Variants in FAM227A observed in about 807,000 individuals in gnomAD.
FAM227A encodes family with sequence similarity 227 member A, also known as protein FAM227A.
Under a neutral mutation model 74.7 loss-of-function variants are expected in FAM227A, and 80 were observed. The ratio of observed to expected loss-of-function variants is 1.07; its 90% CI spans 0.89 to 1.29. FAM227A has a LOEUF of 1.29. Among genes scored for constraint, FAM227A ranks in the 50% most tolerant of loss-of-function variants. The pLI is 0.00. For synonymous variants in FAM227A, 237 were observed against 241.8 expected (o/e 0.98, Z 0.19); for missense variants, 654 against 683.4 (o/e 0.96, Z 0.48).
chr22:38,628,206 G>A, intron 8 of FAM227A, 32 bp downstream of exon 8: 1 of 1,289,184 alleles, frequency 7.8e-7, no homozygotes, highest in Non-Finnish European at 1.1e-6. Flanking sequence ...AATCTAATGT[G>A]ACTTTTTTTC....
At chr22:38,640,633 A>G (rs1290962020) in intron 3 of FAM227A, among the ~76,000 whole-genome samples, 1 of 152,176 alleles carries the variant, frequency 6.6e-6, no homozygotes, top group Non-Finnish European at 1.5e-5. Flanking sequence ...TTTTGCCCTC[A>G]AGGGACTTAC....
chr22:38,578,998 C>T lies in FAM227A; in HGVS notation c.*7127G>A, dbSNP rs1240012196. 1.3e-5 allele frequency: 2 copies of T among 152,202 alleles called. No homozygotes were observed. Among genetic ancestry groups the T allele is most frequent in the African/African-American group, 4.8e-5 (2 of 41,428 alleles). The allele number at this position is 152,202 out of a possible 1,614,324, so 9.4% of individuals were successfully genotyped here. A position where few individuals can be genotyped will look rare whatever the true frequency, so the allele number is the denominator to read the frequency against. Reference sequence around the variant, plus strand: ...CACCATGAGGCACAACAATTATCACCCCTATTTACACGATGGAACTGGGGC... The same window carrying T: ...CACCATGAGGCACAACAATTATCACTCCTATTTACACGATGGAACTGGGGC... On this transcript the variant is annotated 3_prime_UTR_variant, in exon 17 of 17. Coordinates refer to ENST00000535113, the MANE Select transcript of FAM227A (RefSeq NM_001013647.2).
In FAM227A at chr22:38,631,107, G is replaced by A. The variant is rs193270807; in HGVS notation, c.520-2172C>T. Among the ~76,000 whole-genome samples, 306 of 152,316 alleles carry A rather than the reference G, an allele frequency of 2.0e-3. 2 individuals carry two copies. The highest frequency in any genetic ancestry group is 7.0e-3 in the African/African-American group (292 of 41,564). Reference sequence around the variant, plus strand: ...CGCTTGAACCTGGGAGGCGGAGGTTGCAGTGAGCCGAGATTGCACCACTCT... The same window carrying A: ...CGCTTGAACCTGGGAGGCGGAGGTTACAGTGAGCCGAGATTGCACCACTCT... On this transcript the variant is annotated intron_variant, in intron 6 of 16. Coordinates refer to ENST00000535113, the MANE Select transcript of FAM227A (RefSeq NM_001013647.2).
intron 6 of FAM227A, among the ~76,000 whole-genome samples, chr22:38,630,613 A>T (rs1346938027): frequency 6.6e-6 from 1 of 152,200 alleles, no homozygotes; most frequent in East Asian, 1.9e-4. Flanking sequence ...ACAGGAGTAT[A>T]CTAGTTACTG....
At chr22:38,596,684 AGTT>A (rs1427579221) in intron 15 of FAM227A, among the ~76,000 whole-genome samples, 1 of 152,252 alleles carries the variant, frequency 6.6e-6, no homozygotes, top group Non-Finnish European at 1.5e-5. Flanking sequence ...CCTGATGGAC[AGTT>A]CAGTGTACTA....
rs1236282820 is a variant in FAM227A, at chr22:38,613,578, CG to C, written c.1039-6103del. On this transcript the variant is annotated intron_variant, in intron 11 of 16. Coordinates refer to ENST00000535113, the MANE Select transcript of FAM227A (RefSeq NM_001013647.2). Reference sequence around the variant, plus strand: ...ATGTGTTTGCACCTGACATATATAACGGGGAAGGTGTGTACAACTGGGTTTC... The same window carrying C: ...ATGTGTTTGCACCTGACATATATAACGGGAAGGTGTGTACAACTGGGTTTC... Among the ~76,000 whole-genome samples the C allele has an allele frequency of 6.0e-5, 9 of 149,526 alleles. 1 individual carries two copies. The highest frequency in any genetic ancestry group is 6.9e-3 in the Middle Eastern group (2 of 288).
At chr22:38,593,620 C>T (rs2090985165) in intron 15 of FAM227A, among the ~76,000 whole-genome samples, 2 of 152,164 alleles carry the variant, frequency 1.3e-5, no homozygotes, top group Non-Finnish European at 2.9e-5. Flanking sequence ...CCTTCTCCAT[C>T]CCGACCCTCT....
rs139990083 is a variant in FAM227A, at chr22:38,598,824, A to T, written c.1379+940T>A. Among the ~76,000 whole-genome samples, 82 of 152,314 alleles carry T rather than the reference A, an allele frequency of 5.4e-4. 1 individual carries two copies. The highest frequency in any genetic ancestry group is 1.9e-3 in the African/African-American group (80 of 41,580). On this transcript the variant is annotated intron_variant, in intron 14 of 16. Transcript: ENST00000535113. ...TATCTCAAATCACTCGGTTTGCAGT[A>T]GAGTTGGTTCCTGAGTCCAGGTGTG...
In FAM227A at chr22:38,581,153, T is replaced by C. The variant is rs1405514929; in HGVS notation, c.*4972A>G. On this transcript the variant is annotated 3_prime_UTR_variant, in exon 17 of 17. Coordinates refer to ENST00000535113, the MANE Select transcript of FAM227A (RefSeq NM_001013647.2). Reference sequence around the variant, plus strand: ...GTTTGACGTGCTTCAAATATGGCAATTATTATTAATGCCCAAATGGTCCTC... The same window carrying C: ...GTTTGACGTGCTTCAAATATGGCAACTATTATTAATGCCCAAATGGTCCTC... 5 of 152,224 alleles carry C rather than the reference T, an allele frequency of 3.3e-5. No homozygotes were observed. The highest frequency in any genetic ancestry group is 3.3e-4 in the Admixed American group (5 of 15,286). 9.4% of individuals were successfully genotyped at this position (152,224 alleles called of 1,614,324 possible).
At chr22:38,642,224 T>C (rs999320834) in intron 3 of FAM227A, among the ~76,000 whole-genome samples, 1 of 152,070 alleles carries the variant, frequency 6.6e-6, no homozygotes, top group Non-Finnish European at 1.5e-5. Context: ...GACAGGTAGG[T>C]AGATACAGAG....
At chr22:38,636,684 A>T in intron 5 of FAM227A, 87 bp from the exon 6 acceptor site, 2 of 1,210,512 alleles carry the variant, frequency 1.7e-6, no homozygotes, top group Non-Finnish European at 2.3e-6. Flanking sequence ...TATTATGAAG[A>T]CAATATAACA....
chr22:38,654,625 CCT>C (rs964065827), intron 1 of FAM227A, among the ~76,000 whole-genome samples: 1 of 149,080 alleles, frequency 6.7e-6, no homozygotes, highest in African/African-American at 2.5e-5. Context: ...AGAATGAGAC[CCT>C]GTCTCAAAAA....
At chr22:38,631,863 G>C (rs2091921532) in intron 6 of FAM227A, among the ~76,000 whole-genome samples, 1 of 152,206 alleles carries the variant, frequency 6.6e-6, no homozygotes, top group Non-Finnish European at 1.5e-5. Context: ...AGACGCACTG[G>C]AGGGGATTAG....
chr22:38,616,498 A>G (rs1303753106), intron 11 of FAM227A, among the ~76,000 whole-genome samples: 1 of 152,062 alleles, frequency 6.6e-6, no homozygotes, highest in Non-Finnish European at 1.5e-5. Context: ...CCCCGTCTCT[A>G]CTAAAAATAC....
Position 38,626,156 on chromosome 22 carries a change from C to T in FAM227A, c.850+24G>A, listed in dbSNP as rs140324852. On this transcript the variant is annotated intron_variant, in intron 9 of 16. Transcript: ENST00000535113. Reference sequence around the variant, plus strand: ...AACATTTTTCTAGAATCGCTTTCCCCGGTGGAAAAAAGTCACCTCTCACCT... The same window carrying T: ...AACATTTTTCTAGAATCGCTTTCCCTGGTGGAAAAAAGTCACCTCTCACCT... 4.1e-5 allele frequency: 64 copies of T among 1,548,804 alleles called. 1 individual carries two copies. The South Asian group carries it at 5.6e-4, about 14-fold the overall frequency.
chr22:38,624,415 G>T (rs1028493729), intron 9 of FAM227A, among the ~76,000 whole-genome samples: 1 of 152,070 alleles, frequency 6.6e-6, no homozygotes, highest in Non-Finnish European at 1.5e-5. Flanking sequence ...TTAAATGGGT[G>T]TGCAGAAGAG....
At chr22:38,643,027 G>A (rs2092148850) in intron 3 of FAM227A, among the ~76,000 whole-genome samples, 3 of 149,912 alleles carry the variant, frequency 2.0e-5, no homozygotes, top group Admixed American at 2.0e-4. Context: ...TTAAAAATGG[G>A]CTAAAGGTTG....
At chr22:38,588,821 G>C (rs2090867952) in intron 16 of FAM227A, among the ~76,000 whole-genome samples, 1 of 149,286 alleles carries the variant, frequency 6.7e-6, no homozygotes, top group Admixed American at 6.7e-5. Context: ...CCAGCTACGT[G>C]GGAAGCTGAG....
chr22:38,645,427 AT>A, intron 3 of FAM227A, 135 bp downstream of exon 3: 1 of 608,682 alleles, frequency 1.6e-6, no homozygotes, highest in Non-Finnish European at 2.9e-6. Flanking sequence ...TTTTAAAAAA[AT>A]TAACTTTGAA....
Sources: allele counts gnomAD v4.1 joint callset (sites outside exome capture counted in the v4.1 genomes callset), GRCh38; gene constraint gnomAD v4.1.1; transcripts MANE v1.5; gene names NCBI Gene and HGNC (gene_info 2026-07-23, HGNC 2026-07-21).